Variants in BRINP3 observed in about 807,000 individuals in gnomAD.
BRINP3 encodes BMP/retinoic acid inducible neural specific 3, also known as BMP/retinoic acid-inducible neural-specific protein 3.
In BRINP3, 19 loss-of-function variants were observed where a neutral mutation model predicts 71.0. The observed-to-expected ratio is 0.27, with a 90% CI of 0.19 to 0.39. BRINP3 has a LOEUF of 0.39. Ranked by LOEUF, BRINP3 falls within the 10% of genes least tolerant of loss-of-function variation. BRINP3 has a pLI of 1.00. For synonymous variants in BRINP3, 380 were observed against 337.7 expected (o/e 1.13, Z -1.37); for missense variants, 959 against 940.8 (o/e 1.02, Z -0.25).
intron 7 of BRINP3, among the ~76,000 whole-genome samples, chr1:190,150,461 T>G (rs1656291976): frequency 6.6e-6 from 1 of 152,186 alleles, no homozygotes; most frequent in Non-Finnish European, 1.5e-5. Flanking sequence ...TTAGATTAAA[T>G]GTATCATTAA....
At chr1:190,162,788 A>G (rs868493937) in intron 6 of BRINP3, among the ~76,000 whole-genome samples, 30 of 152,302 alleles carry the variant, frequency 2.0e-4, no homozygotes, top group African/African-American at 7.2e-4. Context: ...ATAACAATGT[A>G]TGGCAGCTGA....
intron 2 of BRINP3, among the ~76,000 whole-genome samples, chr1:190,336,927 C>T (rs1041328216): frequency 6.7e-6 from 1 of 149,398 alleles, no homozygotes; most frequent in Admixed American, 6.8e-5. Flanking sequence ...AGAAAGATAC[C>T]CACCAAGAAT....
At chr1:190,229,288 C>T (rs1157498470) in intron 5 of BRINP3, among the ~76,000 whole-genome samples, 2 of 151,888 alleles carry the variant, frequency 1.3e-5, no homozygotes, top group Admixed American at 1.3e-4. Flanking sequence ...GTGAATAAGT[C>T]TCAGAAGATG....
intron 2 of BRINP3, among the ~76,000 whole-genome samples, chr1:190,298,145 C>A (rs935502414): frequency 5.3e-5 from 8 of 151,472 alleles, no homozygotes; most frequent in African/African-American, 1.9e-4. Context: ...TCCTAAGTAT[C>A]CTCTTAATTA....
chr1:190,118,464 T>G (rs1344127159), intron 7 of BRINP3, among the ~76,000 whole-genome samples: 1 of 152,208 alleles, frequency 6.6e-6, no homozygotes, highest in Admixed American at 6.5e-5. Flanking sequence ...GCCTACTATG[T>G]TCCAGATACT....
chr1:190,339,523 T>G (rs1667517376), intron 2 of BRINP3, among the ~76,000 whole-genome samples: 1 of 151,962 alleles, frequency 6.6e-6, no homozygotes, highest in African/African-American at 2.4e-5. Flanking sequence ...TAAATTACGT[T>G]AAACCAGTAA....
intron 4 of BRINP3, among the ~76,000 whole-genome samples, chr1:190,248,599 A>AT (rs990853140): frequency 6.6e-6 from 1 of 150,532 alleles, no homozygotes; most frequent in African/African-American, 2.4e-5. Context: ...TTGTATGTTT[A>AT]TTTTTTTTCT....
chr1:190,192,331 T>G (rs895576563), intron 6 of BRINP3, among the ~76,000 whole-genome samples: 3 of 152,170 alleles, frequency 2.0e-5, no homozygotes, highest in Non-Finnish European at 4.4e-5. Flanking sequence ...TTGTACTCTT[T>G]AAAACAAACC....
chr1:190,208,913 C>A (rs1191472166), intron 6 of BRINP3, among the ~76,000 whole-genome samples: 1 of 151,984 alleles, frequency 6.6e-6, no homozygotes, highest in African/African-American at 2.4e-5. Context: ...AAAAAAAATA[C>A]AATCATAACA....
At chr1:190,258,845 A>C (rs1280785955) in intron 4 of BRINP3, among the ~76,000 whole-genome samples, 1 of 152,134 alleles carries the variant, frequency 6.6e-6, no homozygotes, top group Non-Finnish European at 1.5e-5. Context: ...CCACAAGATA[A>C]AGCTGAACAA....
intron 2 of BRINP3, among the ~76,000 whole-genome samples, chr1:190,397,345 G>A (rs1003821284): frequency 2.0e-5 from 3 of 151,946 alleles, no homozygotes; most frequent in Non-Finnish European, 4.4e-5. Context: ...GGCTCCCTAA[G>A]TAACCAGTGA....
chr1:190,139,773 G>A (rs1655278321), intron 7 of BRINP3, among the ~76,000 whole-genome samples: 1 of 152,070 alleles, frequency 6.6e-6, no homozygotes, highest in South Asian at 2.1e-4. Flanking sequence ...ACATAGTTAA[G>A]GTTTTCTCCA....
intron 6 of BRINP3, among the ~76,000 whole-genome samples, chr1:190,192,024 A>C (rs2102576856): frequency 6.6e-6 from 1 of 152,286 alleles, no homozygotes; most frequent in East Asian, 1.9e-4. Flanking sequence ...GTCCTTGCTG[A>C]AATTGACTTA....
At chr1:190,251,107 C>T (rs988939675) in intron 4 of BRINP3, among the ~76,000 whole-genome samples, 2 of 151,248 alleles carry the variant, frequency 1.3e-5, no homozygotes, top group African/African-American at 2.4e-5. Flanking sequence ...AGTAAAACAC[C>T]CTTAATTTGG....
chr1:190,420,395 A>T (rs1178097736), intron 2 of BRINP3, among the ~76,000 whole-genome samples: 2 of 152,004 alleles, frequency 1.3e-5, no homozygotes, highest in Non-Finnish European at 2.9e-5. Context: ...GATTTGGTTC[A>T]GGAAGTAAAT....
intron 6 of BRINP3, among the ~76,000 whole-genome samples, chr1:190,204,463 T>G (rs1370287596): frequency 7.3e-6 from 1 of 137,368 alleles, no homozygotes; most frequent in African/African-American, 2.8e-5. Flanking sequence ...AAAACTAGGA[T>G]TCATTATGTG....
At chr1:190,350,742 T>A (rs1029695415) in intron 2 of BRINP3, among the ~76,000 whole-genome samples, 1 of 151,724 alleles carries the variant, frequency 6.6e-6, no homozygotes, top group Admixed American at 6.6e-5. Flanking sequence ...AGGATCCTGA[T>A]GGCCACCTGC....
intron 2 of BRINP3, among the ~76,000 whole-genome samples, chr1:190,450,744 T>C (rs1415692579): frequency 6.6e-6 from 1 of 152,130 alleles, no homozygotes; most frequent in African/African-American, 2.4e-5. Flanking sequence ...GAGATCATTA[T>C]TCCATATAAA....
intron 2 of BRINP3, among the ~76,000 whole-genome samples, chr1:190,358,966 A>C (rs1668940590): frequency 6.6e-6 from 1 of 151,956 alleles, no homozygotes; most frequent in African/African-American, 2.4e-5. Flanking sequence ...AACAACGAGA[A>C]CACTTGGACA....
Sources: gnomAD v4.1 joint callset for allele counts (sites outside exome capture counted in the v4.1 genomes callset) on GRCh38, gnomAD v4.1.1 for gene constraint, MANE v1.5 for transcripts, NCBI Gene and HGNC (gene_info 2026-07-23, HGNC 2026-07-21) for gene names.